ANGPT1: variants seen among roughly 807,000 people sequenced by gnomAD.
ANGPT1 encodes angiopoietin 1, also known as angiopoietin-1.
A neutral mutation model predicts 62.2 loss-of-function variants in ANGPT1; 17 were observed. The ratio of observed to expected loss-of-function variants is 0.27; its 90% confidence interval spans 0.19 to 0.41. The LOEUF (loss-of-function observed/expected upper bound fraction) is 0.41, where lower values mean the gene tolerates loss of function less well. Among genes scored for constraint, ANGPT1 ranks in the 10% least tolerant of loss-of-function variants. The pLI is 1.00. For missense variants in ANGPT1, 478 were observed against 594.9 expected, an observed-to-expected ratio of 0.80 and a Z score of 2.04; for synonymous variants, 199 against 198.9, an observed-to-expected ratio of 1.00 and a Z score of 0.00.
chr8:107,488,736 C>G (rs2130536716), intron 1 of ANGPT1, among the ~76,000 whole-genome samples: 1 of 152,240 alleles, frequency 6.6e-6, no homozygotes, highest in African/African-American at 2.4e-5. Context: ...AATAAGGTTA[C>G]AATTCTCACC....
At chr8:107,469,130 T>C (rs553665760) in intron 1 of ANGPT1, among the ~76,000 whole-genome samples, 2 of 152,188 alleles carry the variant, frequency 1.3e-5, no homozygotes, top group African/African-American at 4.8e-5. Context: ...CCATGTGTCA[T>C]AGGTGCTAGT....
chr8:107,436,742 T>C (rs1376471564), intron 1 of ANGPT1, among the ~76,000 whole-genome samples: 1 of 152,182 alleles, frequency 6.6e-6, no homozygotes, highest in Non-Finnish European at 1.5e-5. Context: ...CTGTGCTCAT[T>C]TTATGTCAAT....
At chr8:107,390,997 C>G (rs376179767) in intron 1 of ANGPT1, among the ~76,000 whole-genome samples, 1 of 152,232 alleles carries the variant, frequency 6.6e-6, no homozygotes, top group East Asian at 1.9e-4. Context: ...GACTCAGAGT[C>G]CCAATGTGTA....
intron 1 of ANGPT1, among the ~76,000 whole-genome samples, chr8:107,373,716 A>G (rs1024916241): frequency 6.6e-6 from 1 of 152,318 alleles, no homozygotes; most frequent in African/African-American, 2.4e-5. Flanking sequence ...TGAAAGATTT[A>G]CCATATTTTT....
At chr8:107,428,712 T>C (rs534047087) in intron 1 of ANGPT1, among the ~76,000 whole-genome samples, 47 of 152,266 alleles carry the variant, frequency 3.1e-4, no homozygotes, top group African/African-American at 5.8e-4. Context: ...CCAGTGCTTT[T>C]TTAAGCAAGG....
chr8:107,382,933 G>A (rs759000618), intron 1 of ANGPT1, among the ~76,000 whole-genome samples: 4 of 152,236 alleles, frequency 2.6e-5, no homozygotes, highest in Middle Eastern at 3.4e-3. Flanking sequence ...ATGAGTGGTT[G>A]GTTATATCTT....
intron 1 of ANGPT1, among the ~76,000 whole-genome samples, chr8:107,351,365 T>C (rs1815927715): frequency 6.6e-6 from 1 of 152,030 alleles, no homozygotes; most frequent in Non-Finnish European, 1.5e-5. Context: ...TAGTTAGAAA[T>C]CCGAGGCCTT....
At chr8:107,493,353 G>A (rs1049358126) in intron 1 of ANGPT1, among the ~76,000 whole-genome samples, 1 of 150,470 alleles carries the variant, frequency 6.6e-6, no homozygotes, top group Non-Finnish European at 1.5e-5. Flanking sequence ...GGGAGGGTAA[G>A]TGGAGTGTGG....
chr8:107,300,177 A>G (rs1814552635), intron 5 of ANGPT1, among the ~76,000 whole-genome samples: 1 of 148,344 alleles, frequency 6.7e-6, no homozygotes. Flanking sequence ...CTATCTATAT[A>G]TAGAGATATA....
At chr8:107,262,673 AAGAC>A (rs1322949725) in intron 8 of ANGPT1, among the ~76,000 whole-genome samples, 1 of 152,234 alleles carries the variant, frequency 6.6e-6, no homozygotes, top group African/African-American at 2.4e-5. Context: ...GTAACAGAAT[AAGAC>A]AGAAAGTATA....
chr8:107,475,472 C>T (rs1812492977), intron 1 of ANGPT1, among the ~76,000 whole-genome samples: 1 of 152,108 alleles, frequency 6.6e-6, no homozygotes, highest in Non-Finnish European at 1.5e-5. Flanking sequence ...AGACCTAAAA[C>T]CATAAAAACC....
chr8:107,427,248 T>A (rs1811064245), intron 1 of ANGPT1, among the ~76,000 whole-genome samples: 1 of 152,142 alleles, frequency 6.6e-6, no homozygotes, highest in Admixed American at 6.5e-5. Flanking sequence ...GAATGGGGGT[T>A]AGGGGCTGCC....
intron 1 of ANGPT1, among the ~76,000 whole-genome samples, chr8:107,419,050 G>C (rs1444214094): frequency 2.0e-5 from 3 of 152,172 alleles, no homozygotes; most frequent in Non-Finnish European, 4.4e-5. Context: ...TGTATCAATA[G>C]TATATTTTCT....
chr8:107,281,437 T>C (rs1814000632), intron 7 of ANGPT1, among the ~76,000 whole-genome samples: 1 of 152,186 alleles, frequency 6.6e-6, no homozygotes, highest in South Asian at 2.1e-4. Flanking sequence ...CGGAATTTAG[T>C]TGAATTTGAC....
intron 1 of ANGPT1, among the ~76,000 whole-genome samples, chr8:107,420,464 T>C (rs897787586): frequency 6.6e-6 from 1 of 152,190 alleles, no homozygotes; most frequent in Non-Finnish European, 1.5e-5. Flanking sequence ...TGATTGTGTG[T>C]ATCGAAGGCA....
intron 7 of ANGPT1, among the ~76,000 whole-genome samples, chr8:107,273,099 C>A (rs1177239817): frequency 2.0e-5 from 3 of 152,000 alleles, no homozygotes; most frequent in Admixed American, 1.3e-4. Flanking sequence ...ATGGGTTTTG[C>A]TTTGTTACCA....
At chr8:107,485,444 C>T (rs540881685) in intron 1 of ANGPT1, among the ~76,000 whole-genome samples, 56 of 152,232 alleles carry the variant, frequency 3.7e-4, no homozygotes, top group South Asian at 2.3e-3. Context: ...CTCCCTGTCT[C>T]ATGCAACTGA....
At chr8:107,418,903 G>GA (rs1478837852) in intron 1 of ANGPT1, among the ~76,000 whole-genome samples, 9 of 152,036 alleles carry the variant, frequency 5.9e-5, no homozygotes, top group South Asian at 2.1e-4. Flanking sequence ...AAAATCAGGG[G>GA]AAAAAATCCC....
chr8:107,408,341 TAGAA>T (rs1221012719), intron 1 of ANGPT1, among the ~76,000 whole-genome samples: 1 of 152,210 alleles, frequency 6.6e-6, no homozygotes, highest in Non-Finnish European at 1.5e-5. Flanking sequence ...TGGTTATTGT[TAGAA>T]AGCAGAAATC....
Sources: allele counts gnomAD v4.1 joint callset (sites outside exome capture counted in the v4.1 genomes callset), GRCh38; gene constraint gnomAD v4.1.1; transcripts MANE v1.5; gene names NCBI Gene and HGNC (gene_info 2026-07-23, HGNC 2026-07-21).